The following MYRFL variants were observed in gnomAD, a reference collection of about 807,000 sequenced individuals.
The protein encoded by MYRFL is myelin regulatory factor like.
MYRFL carries 88 observed loss-of-function variants against 109.4 expected under a neutral mutation model. The observed-to-expected ratio is 0.80, with a 90% CI of 0.68 to 0.96. MYRFL has a LOEUF of 0.96. MYRFL is among the 40% of genes least tolerant of loss of function. MYRFL has a pLI of 0.00. For synonymous variants in MYRFL, 324 were observed against 320.9 expected (o/e 1.01, Z -0.10); for missense variants, 957 against 954.9 (o/e 1.00, Z -0.03).
At chr12:69,893,231 C>T (rs1250757465) in intron 7 of MYRFL, among the ~76,000 whole-genome samples, 1 of 152,148 alleles carries the variant, frequency 6.6e-6, no homozygotes, top group Non-Finnish European at 1.5e-5. Context: ...AAGTCTTTTC[C>T]AATATTCACA....
At chr12:69,933,808 C>G (rs1418175004) in intron 16 of MYRFL, among the ~76,000 whole-genome samples, 1 of 151,620 alleles carries the variant, frequency 6.6e-6, no homozygotes, top group African/African-American at 2.4e-5. Flanking sequence ...ATTCCCAGCC[C>G]GGTGGAAAAG....
intron 1 of MYRFL, among the ~76,000 whole-genome samples, chr12:69,826,158 G>T (rs565374105): frequency 1.3e-5 from 2 of 152,204 alleles, no homozygotes; most frequent in South Asian, 2.1e-4. Flanking sequence ...GCGTACCAAA[G>T]AAATAGTGAG....
intron 11 of MYRFL, among the ~76,000 whole-genome samples, chr12:69,909,437 T>G (rs1376097700): frequency 6.6e-6 from 1 of 152,196 alleles, no homozygotes; most frequent in Non-Finnish European, 1.5e-5. Context: ...TACTTTTAAT[T>G]GCCTCAATAG....
intron 1 of MYRFL, among the ~76,000 whole-genome samples, chr12:69,854,520 A>G (rs1884152400): frequency 6.6e-6 from 1 of 152,112 alleles, no homozygotes; most frequent in Non-Finnish European, 1.5e-5. Context: ...AGTAGCTGGG[A>G]CTACAGGCAC....
intron 1 of MYRFL, among the ~76,000 whole-genome samples, chr12:69,833,488 A>G (rs552446984): frequency 6.6e-6 from 1 of 152,340 alleles, no homozygotes; most frequent in African/African-American, 2.4e-5. Flanking sequence ...AACCACTATC[A>G]TTTAATGAAG....
intron 2 of MYRFL, among the ~76,000 whole-genome samples, chr12:69,858,611 G>A (rs1482368576): frequency 6.6e-6 from 1 of 151,878 alleles, no homozygotes; most frequent in East Asian, 1.9e-4. Context: ...TGTTATCTAA[G>A]TTGTTAAATT....
At chr12:69,877,035 T>TCTTTCTTTCTTTCTTTCTTTCTTTC (rs1478142590) in intron 2 of MYRFL, among the ~76,000 whole-genome samples, 2 of 73,954 alleles carry the variant, frequency 2.7e-5, no homozygotes, top group Non-Finnish European at 3.1e-5. Flanking sequence ...TTTTTTTTTT[T>TCTTTCTTTCTTTCTTTCTTTCTTTC]TTTTTTGAGA....
At chr12:69,933,575 A>G (rs1413234851) in intron 16 of MYRFL, among the ~76,000 whole-genome samples, 1 of 152,116 alleles carries the variant, frequency 6.6e-6, no homozygotes, top group Non-Finnish European at 1.5e-5. Flanking sequence ...AAGATAGTGT[A>G]GCTTTATCTG....
intron 1 of MYRFL, among the ~76,000 whole-genome samples, chr12:69,834,503 A>C (rs1024375183): frequency 6.6e-6 from 1 of 152,180 alleles, no homozygotes; most frequent in Admixed American, 6.5e-5. Flanking sequence ...AATGTTCTCC[A>C]TCTGTCAAAT....
rs1379044236 is a variant in MYRFL, at chr12:69,891,595, T to TTC, written c.903+431_903+432dup. Among the ~76,000 whole-genome samples the TTC allele has an allele frequency of 4.4e-3, 590 of 133,020 alleles. 4 individuals are homozygous for TTC. The highest frequency in any genetic ancestry group is 6.7e-3 in the Admixed American group (89 of 13,288). The allele number at this position is 133,020 out of a possible 152,430, so 87.3% of individuals were successfully genotyped here. ...TTTCTTTCTTTCTTTCTTTCTTTCT[T>TTC]TCTTTCTTTCTCTTTCTTTCTTTCT... On this transcript the variant is annotated intron_variant, in intron 7 of 24. Transcript: ENST00000552032.
chr12:69,922,615 C>T (rs1265517739), intron 13 of MYRFL, among the ~76,000 whole-genome samples: 2 of 152,086 alleles, frequency 1.3e-5, no homozygotes. Flanking sequence ...TTTAAAGCAA[C>T]CTCCAACATC....
At chr12:69,864,166 C>T (rs942626079) in intron 2 of MYRFL, among the ~76,000 whole-genome samples, 5 of 152,024 alleles carry the variant, frequency 3.3e-5, no homozygotes, top group South Asian at 4.1e-4. Flanking sequence ...TGCTCAAATT[C>T]GAATCTGTAA....
At chr12:69,909,821 G>T in intron 11 of MYRFL, 148 bp from the exon 12 acceptor site, 2 of 632,490 alleles carry the variant, frequency 3.2e-6, no homozygotes, top group South Asian at 2.1e-5. Context: ...CCAGCAGTTG[G>T]GTAATCCTGG....
Position 69,932,511 on chromosome 12 carries a change from A to T in MYRFL, c.1831-2A>T. On this transcript the variant is annotated splice_acceptor_variant, in intron 15 of 24. Transcript: ENST00000552032. LOFTEE classifies it high-confidence loss of function. ...ACTGCTCATTACTGAACCTTTTTAT[A>T]GGTTTATTTTTCAGGAAAAAGACAG... is the stretch of plus-strand genomic sequence containing the variant. 1 of 1,533,536 alleles carries T rather than the reference A, an allele frequency of 6.5e-7. No homozygotes were observed. Among genetic ancestry groups the T allele is most frequent in the Non-Finnish European group, 8.7e-7 (1 of 1,144,638 alleles). 95.0% of individuals were successfully genotyped at this position (1,533,536 alleles called of 1,614,324 possible).
rs1028382030 is a variant in MYRFL, at chr12:69,903,773, T to G, written c.1312T>G (p.Cys438Gly). 7 of 1,535,680 alleles carry G rather than the reference T, an allele frequency of 4.6e-6. No homozygotes were observed. Among genetic ancestry groups the G allele is most frequent in the Non-Finnish European group, 6.1e-6 (7 of 1,146,670 alleles). Residue 438 changes from cysteine (C) to glycine (G), a missense_variant, in exon 11 of 25, where the codon TGT becomes GGT. Coordinates refer to ENST00000552032, the MANE Select transcript of MYRFL (RefSeq NM_182530.3). ...TGCGCCGGACGAAGCCCTGGTTGTC[T>G]GTGGCAACATGAAAGTGATGGGGAC... ...TDAPDEALVV[C>G]GNMKVMGTIM...
rs553631098 is a variant in MYRFL, at chr12:69,903,729, G to A, written c.1268G>A (p.Arg423Gln). The part of the protein sequence containing the change: ...QVPESIVCHG[R>Q]VGINTDAPDE... Reference sequence around the variant, plus strand: ...CCAGAATCTATTGTCTGTCACGGTCGAGTAGGAATCAACACAGATGCGCCG... The same window carrying A: ...CCAGAATCTATTGTCTGTCACGGTCAAGTAGGAATCAACACAGATGCGCCG... Residue 423 changes from arginine to glutamine, a missense_variant, in exon 11 of 25, where the codon CGA becomes CAA. Arg to Gln is a conservative substitution (Grantham distance 43, BLOSUM62 1). Transcript: ENST00000552032. 71 of 1,535,866 alleles carry A rather than the reference G, an allele frequency of 4.6e-5. No individual in the cohort carries two copies. In the Admixed American group the frequency reaches 1.0e-3, roughly 22 times the overall value.
chr12:69,900,409 C>T (rs1954142186), intron 10 of MYRFL, among the ~76,000 whole-genome samples: 1 of 152,130 alleles, frequency 6.6e-6, no homozygotes, highest in Admixed American at 6.6e-5. Flanking sequence ...GAGTACATGG[C>T]ATAAAGAAGT....
At chr12:69,952,310 T>C in intron 20 of MYRFL, 135 bp downstream of exon 20, 2 of 748,110 alleles carry the variant, frequency 2.7e-6, no homozygotes, top group Non-Finnish European at 4.5e-6. Flanking sequence ...CATGGGACTG[T>C]GTGTTATAAT....
At chr12:69,836,703 G>A (rs140138369) in intron 1 of MYRFL, among the ~76,000 whole-genome samples, 55 of 152,156 alleles carry the variant, frequency 3.6e-4, no homozygotes, top group African/African-American at 1.3e-3. Flanking sequence ...CCTTTTATCC[G>A]TATAAGGATA....
Sources: allele counts gnomAD v4.1 joint callset (sites outside exome capture counted in the v4.1 genomes callset), GRCh38; gene constraint gnomAD v4.1.1; transcripts MANE v1.5; gene names NCBI Gene and HGNC (gene_info 2026-07-23, HGNC 2026-07-21).